Variants in GRIN2B observed in about 807,000 individuals in gnomAD.
The protein encoded by GRIN2B is glutamate receptor ionotropic, NMDA 2B.
In GRIN2B, 5 loss-of-function variants were observed where a neutral mutation model predicts 114.5. That is an observed-to-expected ratio of 0.04 (90% CI 0.02 to 0.09). GRIN2B has a LOEUF of 0.09. GRIN2B is among the 10% of genes least tolerant of loss of function. The pLI, the probability that GRIN2B is intolerant of heterozygous loss-of-function variation, is 1.00. For missense variants in GRIN2B, 1,108 were observed against 1,943.5 expected (o/e 0.57, Z 8.08); for synonymous variants, 787 against 745.1 (o/e 1.06, Z -0.92).
chr12:13,707,639 T>C (rs1163799562), intron 4 of GRIN2B, among the ~76,000 whole-genome samples: 1 of 152,070 alleles, frequency 6.6e-6, no homozygotes, highest in Admixed American at 6.6e-5. Context: ...CTTGCACCAG[T>C]GAACAGCAGT....
chr12:13,712,902 G>C (rs1424545717), intron 4 of GRIN2B, among the ~76,000 whole-genome samples: 1 of 151,814 alleles, frequency 6.6e-6, no homozygotes, highest in Admixed American at 6.6e-5. Flanking sequence ...TTCAGAATAT[G>C]TGACAGTGAA....
At chr12:13,748,391 A>T (rs1411840755) in intron 4 of GRIN2B, among the ~76,000 whole-genome samples, 1 of 152,254 alleles carries the variant, frequency 6.6e-6, no homozygotes, top group Non-Finnish European at 1.5e-5. Flanking sequence ...CAGAGATTAC[A>T]GAGTACATGG....
At chr12:13,572,137 A>C (rs1037833232) in intron 10 of GRIN2B, among the ~76,000 whole-genome samples, 173 bp from the exon 11 acceptor site, 24 of 152,244 alleles carry the variant, frequency 1.6e-4, no homozygotes, top group Admixed American at 1.6e-3. Flanking sequence ...AAGAGCAGCA[A>C]TTGCTATCTG....
intron 3 of GRIN2B, among the ~76,000 whole-genome samples, chr12:13,863,185 C>T (rs1865775591): frequency 6.6e-6 from 1 of 152,138 alleles, no homozygotes; most frequent in Non-Finnish European, 1.5e-5. Context: ...TGTCAGTTCT[C>T]CTATTTACTC....
At chr12:13,969,471 TGTG>T (rs1424068434) in intron 2 of GRIN2B, among the ~76,000 whole-genome samples, 1 of 152,236 alleles carries the variant, frequency 6.6e-6, no homozygotes, top group Non-Finnish European at 1.5e-5. Flanking sequence ...ATGTCAGCCT[TGTG>T]GTGAGGATTG....
intron 2 of GRIN2B, among the ~76,000 whole-genome samples, chr12:13,948,250 T>C (rs1214584615): frequency 6.6e-6 from 1 of 152,138 alleles, no homozygotes; most frequent in African/African-American, 2.4e-5. Flanking sequence ...GGGGGATCCT[T>C]GGGGTAAATG....
chr12:13,610,609 G>T (rs182604715), intron 9 of GRIN2B, among the ~76,000 whole-genome samples: 1 of 152,306 alleles, frequency 6.6e-6, no homozygotes, highest in Admixed American at 6.5e-5. Context: ...AGGTAGGTCT[G>T]CACTTGGAAA....
chr12:13,944,766 C>T (rs2136840132), intron 2 of GRIN2B, among the ~76,000 whole-genome samples: 1 of 152,264 alleles, frequency 6.6e-6, no homozygotes, highest in East Asian at 1.9e-4. Context: ...ATAGTTTTAA[C>T]ATAGAAATAT....
chr12:13,672,469 G>T (rs78888569), intron 5 of GRIN2B, among the ~76,000 whole-genome samples: 2 of 152,118 alleles, frequency 1.3e-5, no homozygotes, highest in Non-Finnish European at 2.9e-5. Flanking sequence ...AGCATTAGGC[G>T]TCTTGAGGAT....
intron 9 of GRIN2B, among the ~76,000 whole-genome samples, chr12:13,610,641 C>G (rs1949356525): frequency 6.6e-6 from 1 of 152,210 alleles, no homozygotes; most frequent in Non-Finnish European, 1.5e-5. Flanking sequence ...AGTGTTGTTT[C>G]ACAGCTTAGA....
intron 5 of GRIN2B, among the ~76,000 whole-genome samples, chr12:13,617,087 G>A (rs1296068047): frequency 6.6e-6 from 1 of 152,214 alleles, no homozygotes; most frequent in Non-Finnish European, 1.5e-5. Context: ...GTAACAAGGA[G>A]CATGATGGTG....
intron 4 of GRIN2B, among the ~76,000 whole-genome samples, chr12:13,677,790 C>G (rs1170998938): frequency 3.3e-5 from 5 of 152,038 alleles, no homozygotes; most frequent in Admixed American, 2.6e-4. Context: ...TTTAGAGATT[C>G]TACAGTCTTA....
At chr12:13,683,390 A>C (rs1950149083) in intron 4 of GRIN2B, among the ~76,000 whole-genome samples, 1 of 152,166 alleles carries the variant, frequency 6.6e-6, no homozygotes, top group Admixed American at 6.5e-5. Context: ...TAATAGTCAC[A>C]GTCTCCATTC....
chr12:13,783,776 C>A (rs1681087945), intron 3 of GRIN2B, among the ~76,000 whole-genome samples: 1 of 152,158 alleles, frequency 6.6e-6, no homozygotes, highest in African/African-American at 2.4e-5. Flanking sequence ...AAGAGGCCTG[C>A]TCCAAGCAGC....
intron 12 of GRIN2B, among the ~76,000 whole-genome samples, chr12:13,569,464 G>A (rs887547907): frequency 6.6e-6 from 1 of 152,126 alleles, no homozygotes; most frequent in African/African-American, 2.4e-5. Flanking sequence ...CAGAGGTCAG[G>A]GGTATGCTTC....
At chr12:13,694,034 G>A (rs754120722) in intron 4 of GRIN2B, among the ~76,000 whole-genome samples, 10 of 152,110 alleles carry the variant, frequency 6.6e-5, no homozygotes, top group East Asian at 3.9e-4. Flanking sequence ...CCAGAGGACC[G>A]AGTCAGCAAG....
At position 13,547,153 on chromosome 12, in the gene GRIN2B, A is replaced by G. The variant is rs1948354682; in HGVS notation, c.*15630T>C. 6.6e-6 allele frequency: 1 copy of G among 152,236 alleles called. No individual in the cohort carries two copies. The highest frequency in any genetic ancestry group is 2.1e-4 in the South Asian group (1 of 4,824). 9.4% of individuals were successfully genotyped at this position (152,236 alleles called of 1,614,324 possible). On this transcript the variant is annotated 3_prime_UTR_variant, in exon 14 of 14. Transcript: ENST00000609686. ...ATATCCCATTTTCATAGGAAAGGAAAGTCGGGGAGGGGAGCCAAAAACATG... is the reference window on the plus strand; with the variant it reads ...ATATCCCATTTTCATAGGAAAGGAAGGTCGGGGAGGGGAGCCAAAAACATG...
At chr12:13,705,538 T>C (rs1950352433) in intron 4 of GRIN2B, among the ~76,000 whole-genome samples, 1 of 152,160 alleles carries the variant, frequency 6.6e-6, no homozygotes, top group Non-Finnish European at 1.5e-5. Flanking sequence ...GGATTATGTC[T>C]GTTAACACAT....
intron 5 of GRIN2B, among the ~76,000 whole-genome samples, chr12:13,621,382 T>C (rs1949511514): frequency 6.6e-6 from 1 of 152,100 alleles, no homozygotes; most frequent in South Asian, 2.1e-4. Flanking sequence ...GAATTTATGC[T>C]TGAGATTAAA....
Sources: gnomAD v4.1 joint callset for allele counts (sites outside exome capture counted in the v4.1 genomes callset) on GRCh38, gnomAD v4.1.1 for gene constraint, MANE v1.5 for transcripts, NCBI Gene and HGNC (gene_info 2026-07-23, HGNC 2026-07-21) for gene names.